The following PARD3 variants were observed in gnomAD, a reference collection of about 807,000 sequenced individuals.
The protein encoded by PARD3 is partitioning defective 3 homolog.
A neutral mutation model predicts 155.4 loss-of-function variants in PARD3; 75 were observed. The observed-to-expected ratio is 0.48, with a 90% CI of 0.40 to 0.58. The LOEUF is 0.58. PARD3 is among the 20% of genes least tolerant of loss of function. The probability of loss-of-function intolerance (pLI) is 0.00; values close to 1 mark genes in which losing one functional copy is unlikely to be tolerated. For synonymous variants in PARD3, 576 were observed against 610.5 expected (o/e 0.94, Z 0.83); for missense variants, 1,642 against 1,721.7 (o/e 0.95, Z 0.82).
chr10:34,652,939 C>G (rs978358970), intron 2 of PARD3, among the ~76,000 whole-genome samples: 2 of 151,984 alleles, frequency 1.3e-5, no homozygotes, highest in African/African-American at 4.8e-5. Flanking sequence ...AATGGATGAG[C>G]CCGGAGGACA....
chr10:34,681,727 A>ATT (rs1176768558), intron 2 of PARD3, among the ~76,000 whole-genome samples: 105 of 59,780 alleles, frequency 1.8e-3, no homozygotes, highest in South Asian at 4.8e-3. Context: ...TTACGTATGT[A>ATT]TTTTATATAT....
At chr10:34,327,767 G>A (rs1211562887) in intron 19 of PARD3, among the ~76,000 whole-genome samples, 1 of 152,150 alleles carries the variant, frequency 6.6e-6, no homozygotes, top group Non-Finnish European at 1.5e-5. Flanking sequence ...CCTCTTTTCA[G>A]ATCCAGGTTC....
chr10:34,168,669 C>G (rs1271766585), intron 22 of PARD3, among the ~76,000 whole-genome samples: 1 of 152,164 alleles, frequency 6.6e-6, no homozygotes, highest in Non-Finnish European at 1.5e-5. Flanking sequence ...CTGAAAAGAG[C>G]AGCTATAATC....
chr10:34,804,607 G>A (rs1843146930), intron 1 of PARD3, among the ~76,000 whole-genome samples: 1 of 152,228 alleles, frequency 6.6e-6, no homozygotes, highest in South Asian at 2.1e-4. Context: ...CTGGGTTTCA[G>A]CATTATAAAT....
chr10:34,145,213 A>C (rs1237798628), intron 22 of PARD3, among the ~76,000 whole-genome samples: 1 of 64,040 alleles, frequency 1.6e-5, no homozygotes, highest in African/African-American at 9.0e-5. Context: ...ATATATATAT[A>C]TATATATATT....
chr10:34,480,130 G>A (rs1391252675), intron 3 of PARD3, among the ~76,000 whole-genome samples: 1 of 152,242 alleles, frequency 6.6e-6, no homozygotes, highest in Non-Finnish European at 1.5e-5. Flanking sequence ...CTGGCCTCTT[G>A]GCATATGGAG....
chr10:34,243,852 G>A (rs931093033), intron 22 of PARD3, among the ~76,000 whole-genome samples: 1 of 152,074 alleles, frequency 6.6e-6, no homozygotes, highest in African/African-American at 2.4e-5. Context: ...TTTGACCTGC[G>A]CCATAATTAA....
chr10:34,484,737 G>A (rs762560218), intron 3 of PARD3, among the ~76,000 whole-genome samples: 1 of 152,172 alleles, frequency 6.6e-6, no homozygotes, highest in Non-Finnish European at 1.5e-5. Context: ...CAGCACTACA[G>A]GAACATCTAA....
intron 1 of PARD3, among the ~76,000 whole-genome samples, chr10:34,698,243 A>G (rs555487904): frequency 1.1e-4 from 16 of 152,240 alleles, no homozygotes; most frequent in African/African-American, 3.6e-4. Context: ...CAGCCTTTAT[A>G]TAATATTTGT....
intron 22 of PARD3, among the ~76,000 whole-genome samples, chr10:34,136,673 G>A (rs1947915164): frequency 6.6e-6 from 1 of 152,124 alleles, no homozygotes; most frequent in South Asian, 2.1e-4. Context: ...TGCCAAAGAA[G>A]AGAGGAAAAT....
chr10:34,753,666 T>C (rs1836339565), intron 1 of PARD3, among the ~76,000 whole-genome samples: 1 of 152,156 alleles, frequency 6.6e-6, no homozygotes. Context: ...TGGCAGAGGG[T>C]TGTGTGAATT....
chr10:34,140,849 T>A (rs931378621), intron 22 of PARD3, among the ~76,000 whole-genome samples: 5 of 152,234 alleles, frequency 3.3e-5, no homozygotes, highest in Admixed American at 2.6e-4. Flanking sequence ...TAATTATGCA[T>A]GCAAAGTTAG....
At chr10:34,266,379 TATG>T (rs1384965215) in intron 22 of PARD3, among the ~76,000 whole-genome samples, 2 of 152,320 alleles carry the variant, frequency 1.3e-5, no homozygotes, top group African/African-American at 4.8e-5. Flanking sequence ...GCTTTACAGG[TATG>T]ATAATTCCCA....
At chr10:34,453,639 A>T (rs2077176444) in intron 4 of PARD3, among the ~76,000 whole-genome samples, 8 of 152,228 alleles carry the variant, frequency 5.3e-5, no homozygotes, top group Admixed American at 3.9e-4. Context: ...AAATGTAATC[A>T]CTGTATTTTT....
chr10:34,778,009 C>G (rs1238894310), intron 1 of PARD3, among the ~76,000 whole-genome samples: 8 of 152,144 alleles, frequency 5.3e-5, no homozygotes, highest in Admixed American at 5.2e-4. Context: ...CCTCCAGCAG[C>G]CTTCAGAGGT....
intron 2 of PARD3, among the ~76,000 whole-genome samples, chr10:34,528,438 A>G (rs2082621419): frequency 6.6e-6 from 1 of 152,174 alleles, no homozygotes; most frequent in African/African-American, 2.4e-5. Context: ...CTAATCATGA[A>G]TGAGCTCTCA....
intron 2 of PARD3, among the ~76,000 whole-genome samples, chr10:34,649,222 T>A (rs951218221): frequency 7.9e-5 from 12 of 152,014 alleles, no homozygotes; most frequent in Non-Finnish European, 1.5e-5. Flanking sequence ...GGAAGGAGGA[T>A]TATTTGAGCT....
chr10:34,536,173 A>G (rs1163736754), intron 2 of PARD3, among the ~76,000 whole-genome samples: 1 of 152,148 alleles, frequency 6.6e-6, no homozygotes, highest in Non-Finnish European at 1.5e-5. Flanking sequence ...GCTTCCACAC[A>G]TTGGAGCCAC....
In PARD3 at chr10:34,169,607, C is replaced by A. The variant is rs12244773; in HGVS notation, c.3420-38024G>T. On this transcript the variant is annotated intron_variant, in intron 22 of 24. Transcript: ENST00000374788. ...GGATTTAGATGAGAGAAAAAGAATACCTTTCTGACAGAAAGACTTATTAAA... is the reference window on the plus strand; with the variant it reads ...GGATTTAGATGAGAGAAAAAGAATAACTTTCTGACAGAAAGACTTATTAAA... Among the ~76,000 whole-genome samples, 232 of 152,174 alleles carry A rather than the reference C, an allele frequency of 1.5e-3. 2 individuals carry two copies. The highest frequency in any genetic ancestry group is 5.3e-3 in the African/African-American group (222 of 41,506).
Sources: allele counts gnomAD v4.1 joint callset (sites outside exome capture counted in the v4.1 genomes callset), GRCh38; gene constraint gnomAD v4.1.1; transcripts MANE v1.5; gene names NCBI Gene and HGNC (gene_info 2026-07-23, HGNC 2026-07-21).